Variants in ZMYND15 observed in about 807,000 individuals in gnomAD.
The protein encoded by ZMYND15 is zinc finger MYND domain-containing protein 15.
Under a neutral mutation model 81.7 loss-of-function variants are expected in ZMYND15, and 54 were observed. The observed-to-expected ratio is 0.66, with a 90% confidence interval of 0.53 to 0.83. The LOEUF (loss-of-function observed/expected upper bound fraction) is 0.83, where lower values mean the gene tolerates loss of function less well. Ranked by LOEUF, ZMYND15 falls within the 40% of genes least tolerant of loss-of-function variation. The pLI, the probability that ZMYND15 is intolerant of heterozygous loss-of-function variation, is 0.00. For missense variants in ZMYND15, 925 were observed against 973.5 expected (o/e 0.95, Z 0.66); for synonymous variants, 399 against 387.0 (o/e 1.03, Z -0.36).
At position 4,745,334 on chromosome 17, in the gene ZMYND15, C is replaced by G; in HGVS notation, c.2016C>G (p.Arg672=). Residue 672 remains arginine, a synonymous_variant, in exon 13 of 14, where the codon CGC becomes CGG. Coordinates refer to ENST00000433935, the MANE Select transcript of ZMYND15 (RefSeq NM_001136046.3). The surrounding 1 kb of genome is among the most constrained non-coding windows in gnomAD (Gnocchi z 5.2). ...GCCCTCCCCAGCCCAACCCCTTCCG[C>G]TCCCCCTTTCGCCTCAGAGCGGCCG... The part of the protein sequence containing the change: ...GTSPPQPNPF[R]SPFRLRAADN... 6.2e-7 allele frequency: 1 copy of G among 1,611,598 alleles called. No homozygotes were observed. Among genetic ancestry groups the G allele is most frequent in the Admixed American group, 1.7e-5 (1 of 59,244 alleles).
In ZMYND15 at chr17:4,742,353, T is replaced by C. The variant is rs746304528; in HGVS notation, c.1006T>C (p.Tyr336His). 13 of 1,613,872 alleles carry C rather than the reference T, an allele frequency of 8.1e-6. No homozygotes were observed. The highest frequency in any genetic ancestry group is 6.7e-5 in the Admixed American group (4 of 59,984). The change falls in exon 5 of 14, where the codon TAT (tyrosine) becomes CAT (histidine). Residue 336 changes from tyrosine to histidine, a missense_variant. Tyr to His is a moderately conservative substitution (Grantham distance 83, BLOSUM62 2). Transcript: ENST00000433935. ...TPCPQCSAVL[Y>H]CGEACLRADW... ...CAGCCCCCAGTGTAGTGCTGTCTTG[T>C]ATTGTGGAGAGGCTTGTCTCCGGGC...
chr17:4,742,473 C>A lies in ZMYND15; in HGVS notation c.1126C>A (p.Pro376Thr), dbSNP rs776278212. 1 of 1,614,072 alleles carries A rather than the reference C, an allele frequency of 6.2e-7. No homozygotes were observed. Among genetic ancestry groups the A allele is most frequent in the South Asian group, 1.1e-5 (1 of 91,070 alleles). Residue 376 changes from proline (P) to threonine (T), a missense_variant, in exon 5 of 14, where the codon CCT becomes ACT. Transcript: ENST00000433935. The part of the protein sequence containing the change: ...MERAGELATL[P>T]FTYTAEVTSE... ...GCGGGCAGGAGAACTGGCAACCCTG[C>A]CTTTTACCTACACCGCAGGTACCAT...
intron 1 of ZMYND15, 196 bp from the exon 2 acceptor site, chr17:4,740,323 C>A: frequency 9.8e-7 from 1 of 1,022,510 alleles, no homozygotes; most frequent in Non-Finnish European, 1.3e-6. Context: ...TGGTCACCCA[C>A]TTTCAAGTCC....
In ZMYND15 at chr17:4,743,634, C is replaced by T; in HGVS notation, c.1298-133C>T. 7.8e-7 allele frequency: 1 copy of T among 1,274,516 alleles called. No homozygotes were observed. The highest frequency in any genetic ancestry group is 1.1e-6 in the Non-Finnish European group (1 of 930,154). The allele number at this position is 1,274,516 out of a possible 1,614,324, so 79.0% of individuals were successfully genotyped here. On this transcript the variant is annotated intron_variant, in intron 6 of 13. Transcript: ENST00000433935. The surrounding 1 kb of genome is among the most constrained non-coding windows in gnomAD (Gnocchi z 4.3). ...ACCCCTACCAACTCCACCCAGAAAC[C>T]CCATCCCTATGCAAACCCCCATTCC...
Position 4,745,817 on chromosome 17 carries a change from A to C in ZMYND15, c.2058-2A>C. ...CCCTGACTGCGCCCCGCGCCCCCGC[A>C]GGTACTGCAATGCCTTCATCTTCCA... On this transcript the variant is annotated splice_acceptor_variant, in intron 13 of 13. Transcript: ENST00000433935. LOFTEE classifies it high-confidence loss of function. This position sits in a 1 kb window ranked among gnomAD's most constrained non-coding sequence, Gnocchi z 5.2. 1.3e-6 allele frequency: 2 copies of C among 1,585,890 alleles called. No individual in the cohort carries two copies. The highest frequency in any genetic ancestry group is 1.7e-6 in the Non-Finnish European group (2 of 1,168,708).
At chr17:4,742,633 G>T (rs536757459) in intron 5 of ZMYND15, 142 bp downstream of exon 5, 3 of 1,200,800 alleles carry the variant, frequency 2.5e-6, no homozygotes, top group Admixed American at 2.7e-5. Context: ...AAGGGCAGGG[G>T]CTGGGTGTTT....
rs1916621750 is a variant in ZMYND15, at chr17:4,745,447, G to A, written c.2057+72G>A. The A allele has an allele frequency of 6.6e-7, 1 of 1,522,442 alleles. No individual in the cohort carries two copies. The highest frequency in any genetic ancestry group is 8.8e-7 in the Non-Finnish European group (1 of 1,131,742). 94.3% of individuals were successfully genotyped at this position (1,522,442 alleles called of 1,614,324 possible). A position where few individuals can be genotyped will look rare whatever the true frequency, so the allele number is the denominator to read the frequency against. On this transcript the variant is annotated intron_variant, in intron 13 of 13. Transcript: ENST00000433935. The surrounding 1 kb of genome is among the most constrained non-coding windows in gnomAD (Gnocchi z 5.2). ...ACTCTCTGGCTCCACATCCTCGAAGGCCCACCTCTACCCTAGTCCCTGCTG... is the reference window on the plus strand; with the variant it reads ...ACTCTCTGGCTCCACATCCTCGAAGACCCACCTCTACCCTAGTCCCTGCTG...
At position 4,740,525 on chromosome 17, in the gene ZMYND15, C is replaced by T. The variant is rs748453021; in HGVS notation, c.-24C>T. On this transcript the variant is annotated 5_prime_UTR_variant, in exon 2 of 14. Transcript: ENST00000433935. Reference sequence around the variant, plus strand: ...TATCCCTTCTTTTGCTCAGTCTGGGCCGGGGCCCTGTGCCGCTGAAGACAT... The same window carrying T: ...TATCCCTTCTTTTGCTCAGTCTGGGTCGGGGCCCTGTGCCGCTGAAGACAT... 10 of 1,564,146 alleles carry T rather than the reference C, an allele frequency of 6.4e-6. No individual in the cohort carries two copies. In the Admixed American group the frequency reaches 9.0e-5, roughly 14 times the overall value.
Position 4,741,937 on chromosome 17 carries a change from A to G in ZMYND15, c.850A>G (p.Arg284Gly). The change falls in exon 4 of 14, where the codon AGG (arginine) becomes GGG (glycine). Residue 284 changes from arginine to glycine, a missense_variant. Transcript: ENST00000433935. ...TAGAGAGCTGGAGAGCTTGGTCCCA[A>G]GGCTAGGTGTGAAGTTAGCCAAAAC... Reference protein sequence around the residue: ...LHRELESLVPRLGVKLAKTPM... With the variant: ...LHRELESLVPGLGVKLAKTPM... 1 of 1,614,174 alleles carries G rather than the reference A, an allele frequency of 6.2e-7. No individual in the cohort carries two copies. The highest frequency in any genetic ancestry group is 8.5e-7 in the Non-Finnish European group (1 of 1,180,026).
chr17:4,740,428 T>C, intron 1 of ZMYND15, 91 bp from the exon 2 acceptor site: 1 of 1,412,900 alleles, frequency 7.1e-7, no homozygotes, highest in South Asian at 1.7e-5. Flanking sequence ...TAAGTGACTC[T>C]CAAACCTACC....
At chr17:4,740,220 C>A in intron 1 of ZMYND15, 170 bp downstream of exon 1, 2 of 546,802 alleles carry the variant, frequency 3.7e-6, no homozygotes, top group Non-Finnish European at 4.9e-6. Context: ...TCTCTCCTCT[C>A]TAGCCTTAAT....
Position 4,743,641 on chromosome 17 carries a change from C to G in ZMYND15, c.1298-126C>G. The G allele has an allele frequency of 7.9e-7, 1 of 1,270,990 alleles. No individual in the cohort carries two copies. Among genetic ancestry groups the G allele is most frequent in the Non-Finnish European group, 1.1e-6 (1 of 926,160 alleles). 78.7% of individuals were successfully genotyped at this position (1,270,990 alleles called of 1,614,324 possible). ...CCAACTCCACCCAGAAACCCCATCC[C>G]TATGCAAACCCCCATTCCTCTTACT... On this transcript the variant is annotated intron_variant, in intron 6 of 13. Transcript: ENST00000433935. The surrounding 1 kb of genome is among the most constrained non-coding windows in gnomAD (Gnocchi z 4.3).
rs1916469077 is a variant in ZMYND15, at chr17:4,742,432, T to G, written c.1085T>G (p.Leu362Arg). 1 of 1,614,074 alleles carries G rather than the reference T, an allele frequency of 6.2e-7. No homozygotes were observed. ...DVSHRFWCPR[L>R]AAFMERAGEL... ...AGTCACCGATTTTGGTGCCCAAGGC[T>G]TGCAGCCTTCATGGAGCGGGCAGGA... is the stretch of plus-strand genomic sequence containing the variant. Residue 362 changes from leucine (L) to arginine (R), a missense_variant, in exon 5 of 14, where the codon CTT becomes CGT. Physicochemically the swap from Leu to Arg is moderately radical, Grantham distance 102. Transcript: ENST00000433935.
Position 4,743,480 on chromosome 17 carries a change from G to C in ZMYND15, c.1297+25G>C. On this transcript the variant is annotated intron_variant, in intron 6 of 13. Coordinates refer to ENST00000433935, the MANE Select transcript of ZMYND15 (RefSeq NM_001136046.3). The surrounding 1 kb of genome is among the most constrained non-coding windows in gnomAD (Gnocchi z 4.3). The stretch of plus-strand genomic sequence containing the variant: ...GGTGCGTGGGGTCTCTCCAGGCATG[G>C]GCCCCTTGGCCTAGAGGGAAGGACT... 1 of 1,612,522 alleles carries C rather than the reference G, an allele frequency of 6.2e-7. No individual in the cohort carries two copies. Among genetic ancestry groups the C allele is most frequent in the Non-Finnish European group, 8.5e-7 (1 of 1,179,624 alleles).
Position 4,739,890 on chromosome 17 carries a change from G to A in ZMYND15, c.-191G>A, listed in dbSNP as rs1916302532. 2.0e-6 allele frequency: 2 copies of A among 985,486 alleles called. No individual in the cohort carries two copies. The highest frequency in any genetic ancestry group is 2.4e-6 in the Non-Finnish European group (2 of 830,198). 61.0% of individuals were successfully genotyped at this position (985,486 alleles called of 1,614,324 possible). A position where few individuals can be genotyped will look rare whatever the true frequency, so the allele number is the denominator to read the frequency against. ...GTGGAGAGAGTCGCCGCCAGCCCCG[G>A]CCGCGCGCACCTGCGGGGCAGCCAC... On this transcript the variant is annotated 5_prime_UTR_variant, in exon 1 of 14. Coordinates refer to ENST00000433935, the MANE Select transcript of ZMYND15 (RefSeq NM_001136046.3). The surrounding 1 kb of genome is among the most constrained non-coding windows in gnomAD (Gnocchi z 5.3).
intron 5 of ZMYND15, 69 bp downstream of exon 5, chr17:4,742,560 C>T: frequency 6.3e-7 from 1 of 1,575,962 alleles, no homozygotes. Flanking sequence ...AATTAGATGT[C>T]TGGGAACAGG....
rs981521943 is a variant in ZMYND15 at position 4,745,460 on chromosome 17, C to T, written c.2057+85C>T. On this transcript the variant is annotated intron_variant, in intron 13 of 13. Coordinates refer to ENST00000433935, the MANE Select transcript of ZMYND15 (RefSeq NM_001136046.3). This position sits in a 1 kb window ranked among gnomAD's most constrained non-coding sequence, Gnocchi z 5.2. ...ACATCCTCGAAGGCCCACCTCTACC[C>T]TAGTCCCTGCTGTCCTGGGGCCCTC... 4.0e-6 allele frequency: 6 copies of T among 1,486,282 alleles called. No individual in the cohort carries two copies. The highest frequency in any genetic ancestry group is 1.4e-5 in the African/African-American group (1 of 71,044). The allele number at this position is 1,486,282 out of a possible 1,614,324, so 92.1% of individuals were successfully genotyped here.
chr17:4,745,431 C>T lies in ZMYND15; in HGVS notation c.2057+56C>T, dbSNP rs191574008. 61 of 1,537,504 alleles carry T rather than the reference C, an allele frequency of 4.0e-5. No individual in the cohort carries two copies. Among genetic ancestry groups the T allele is most frequent in the Middle Eastern group, 3.5e-4 (2 of 5,674 alleles). ...ACCCTTAACTTCTCTTACTCTCTGG[C>T]TCCACATCCTCGAAGGCCCACCTCT... On this transcript the variant is annotated intron_variant, in intron 13 of 13. Transcript: ENST00000433935. The surrounding 1 kb of genome is among the most constrained non-coding windows in gnomAD (Gnocchi z 5.2).
Position 4,745,022 on chromosome 17 carries a change from A to G in ZMYND15, c.1896+94A>G. On this transcript the variant is annotated intron_variant, in intron 12 of 13. Transcript: ENST00000433935. The surrounding 1 kb of genome is among the most constrained non-coding windows in gnomAD (Gnocchi z 5.2). ...AAGTCTCTGGGCTCTCCTCCTCTTC[A>G]CCATCACCTGCTCCACAAACCTGGG... is the stretch of plus-strand genomic sequence containing the variant. 6.4e-7 allele frequency: 1 copy of G among 1,566,364 alleles called. No homozygotes were observed. The highest frequency in any genetic ancestry group is 8.8e-7 in the Non-Finnish European group (1 of 1,141,500).
Sources: allele counts gnomAD v4.1 joint callset, GRCh38; gene constraint gnomAD v4.1.1; non-coding constraint Gnocchi (gnomAD v3.1); transcripts MANE v1.5; gene names NCBI Gene and HGNC (gene_info 2026-07-23, HGNC 2026-07-21).